PCDHGA1: variants seen among roughly 807,000 people sequenced by gnomAD.
The protein encoded by PCDHGA1 is protocadherin gamma-A1.
PCDHGA1 carries 32 observed loss-of-function variants against 58.0 expected under a neutral mutation model. The ratio of observed to expected loss-of-function variants is 0.55; its 90% CI spans 0.42 to 0.74. PCDHGA1 has a LOEUF of 0.74. PCDHGA1 is among the 30% of genes least tolerant of loss of function. PCDHGA1 has a pLI of 0.00. For missense variants in PCDHGA1, 1,205 were observed against 1,182.3 expected (o/e 1.02, Z -0.28); for synonymous variants, 498 against 501.1 (o/e 0.99, Z 0.08).
At chr5:141,390,859 T>C (rs951468573) in intron 1 of PCDHGA1, 3 of 151,114 alleles carry the variant, frequency 2.0e-5, no homozygotes, top group Admixed American at 1.3e-4. Flanking sequence ...CAGTGTACGC[T>C]GTGTGTGCGT....
intron 1 of PCDHGA1, chr5:141,345,007 C>T (rs1386175019): frequency 6.2e-7 from 1 of 1,613,806 alleles, no homozygotes; most frequent in African/African-American, 1.3e-5. Flanking sequence ...CAGGATGGAC[C>T]AGGTCTTCTT....
chr5:141,472,060 T>C (rs185246000), intron 1 of PCDHGA1, among the ~76,000 whole-genome samples: 5 of 152,276 alleles, frequency 3.3e-5, no homozygotes, highest in Non-Finnish European at 1.5e-5. Context: ...ATGATTGACA[T>C]GTCTGTGGTT....
chr5:141,361,604 C>G, intron 1 of PCDHGA1: 1 of 1,614,040 alleles, frequency 6.2e-7, no homozygotes, highest in Non-Finnish European at 8.5e-7. Context: ...GTTTCCTACT[C>G]CATCGTAGCG....
At chr5:141,415,655 T>C (rs780357843) in intron 1 of PCDHGA1, 50 of 1,586,718 alleles carry the variant, frequency 3.2e-5, no homozygotes, top group Non-Finnish European at 4.0e-5. Flanking sequence ...AAAAAAAAGA[T>C]TGGTTTTTAC....
rs911461762 is a variant in PCDHGA1 at position 141,512,938 on chromosome 5, T to C, written c.*1765T>C. The stretch of plus-strand genomic sequence containing the variant: ...ACTCTAATATTTATATGGCTTTTTT[T>C]CTTCGACAAAAAAATAATAAAACGT... On this transcript the variant is annotated 3_prime_UTR_variant, in exon 4 of 4. Coordinates refer to ENST00000517417, the MANE Select transcript of PCDHGA1 (RefSeq NM_018912.3). 6.6e-6 allele frequency: 1 copy of C among 151,928 alleles called. No homozygotes were observed. Among genetic ancestry groups the C allele is most frequent in the Non-Finnish European group, 1.5e-5 (1 of 67,934 alleles). The allele number at this position is 151,928 out of a possible 1,614,324, so 9.4% of individuals were successfully genotyped here.
chr5:141,409,868 A>C (rs2095328786), intron 1 of PCDHGA1: 2 of 1,612,688 alleles, frequency 1.2e-6, no homozygotes, highest in Admixed American at 1.7e-5. Flanking sequence ...GGGAGACCGC[A>C]ATGACAACGC....
chr5:141,430,493 C>G (rs1232369484), intron 1 of PCDHGA1: 1 of 285,344 alleles, frequency 3.5e-6, no homozygotes, highest in African/African-American at 2.2e-5. Flanking sequence ...ACGAAATATC[C>G]TTTCTGGGAG....
chr5:141,490,644 T>C lies in PCDHGA1; in HGVS notation c.2422-4163T>C. The C allele has an allele frequency of 6.2e-7, 1 of 1,614,188 alleles. No homozygotes were observed. Among genetic ancestry groups the C allele is most frequent in the Non-Finnish European group, 8.5e-7 (1 of 1,180,016 alleles). On this transcript the variant is annotated intron_variant, in intron 1 of 3. Coordinates refer to ENST00000517417, the MANE Select transcript of PCDHGA1 (RefSeq NM_018912.3). The surrounding 1 kb of genome is among the most constrained non-coding windows in gnomAD (Gnocchi z 5.4). Reference sequence around the variant, plus strand: ...CTGCTTACATCCTAGAAAACCGGCCTCCGGGCTCCCTTCTTTGCACTGTGG... The same window carrying C: ...CTGCTTACATCCTAGAAAACCGGCCCCCGGGCTCCCTTCTTTGCACTGTGG...
At chr5:141,426,052 G>T (rs2096912121) in intron 1 of PCDHGA1, among the ~76,000 whole-genome samples, 1 of 152,162 alleles carries the variant, frequency 6.6e-6, no homozygotes, top group South Asian at 2.1e-4. Flanking sequence ...TGGCCAATGT[G>T]CTGCAAGAAC....
Position 141,511,030 on chromosome 5 carries a change from C to A in PCDHGA1, c.2653C>A (p.Gln885Lys). 9 of 1,614,224 alleles carry A rather than the reference C, an allele frequency of 5.6e-6. No individual in the cohort carries two copies. Among genetic ancestry groups the A allele is most frequent in the Non-Finnish European group, 7.6e-6 (9 of 1,180,032 alleles). Residue 885 changes from glutamine (Q) to lysine (K), a missense_variant, in exon 4 of 4, where the codon CAG (glutamine) becomes AAG (lysine). Transcript: ENST00000517417. ...SARYGPQFTLQHVPDYRQNVY... is the reference protein window; with the variant it reads ...SARYGPQFTLKHVPDYRQNVY... ...CCGCTACGGACCCCAGTTCACCCTGCAGCACGTGCCCGACTACCGCCAGAA... is the reference window on the plus strand; with the variant it reads ...CCGCTACGGACCCCAGTTCACCCTGAAGCACGTGCCCGACTACCGCCAGAA...
Position 141,486,595 on chromosome 5 carries a change from T to G in PCDHGA1, c.2422-8212T>G. ...AGAACAATCGCCCAGGGGACCTGCTTTGCTCCCTTGCAGCCTCTGACCCAG... is the reference window on the plus strand; with the variant it reads ...AGAACAATCGCCCAGGGGACCTGCTGTGCTCCCTTGCAGCCTCTGACCCAG... On this transcript the variant is annotated intron_variant, in intron 1 of 3. Coordinates refer to ENST00000517417, the MANE Select transcript of PCDHGA1 (RefSeq NM_018912.3). This position sits in a 1 kb window ranked among gnomAD's most constrained non-coding sequence, Gnocchi z 5.0. The G allele has an allele frequency of 6.2e-7, 1 of 1,613,614 alleles. No homozygotes were observed. Among genetic ancestry groups the G allele is most frequent in the Non-Finnish European group, 8.5e-7 (1 of 1,180,016 alleles).
At chr5:141,335,034 A>AT (rs1217043361) in intron 1 of PCDHGA1, among the ~76,000 whole-genome samples, 3 of 152,200 alleles carry the variant, frequency 2.0e-5, no homozygotes, top group East Asian at 3.8e-4. Flanking sequence ...ACACACTGTT[A>AT]TTTTTTAAGG....
At position 141,339,115 on chromosome 5, in the gene PCDHGA1, C is replaced by G. The variant is rs150708423; in HGVS notation, c.2421+6010C>G. On this transcript the variant is annotated intron_variant, in intron 1 of 3. Transcript: ENST00000517417. ...ACAGAGGCTCCTTCGTAGGCAACATCGCCAAGGACTTGGGTTTGGAGCCCC... is the reference window on the plus strand; with the variant it reads ...ACAGAGGCTCCTTCGTAGGCAACATGGCCAAGGACTTGGGTTTGGAGCCCC... The G allele has an allele frequency of 7.4e-6, 12 of 1,614,116 alleles. No individual in the cohort carries two copies. The African/African-American group carries it at 1.5e-4, about 20-fold the overall frequency.
chr5:141,423,751 G>GT, intron 1 of PCDHGA1: 12 of 349,026 alleles, frequency 3.4e-5, no homozygotes, highest in Non-Finnish European at 4.3e-5. Context: ...AAAACTGTTT[G>GT]GGGGGGGGGT....
At chr5:141,452,887 C>T (rs1000136303) in intron 1 of PCDHGA1, among the ~76,000 whole-genome samples, 1 of 152,174 alleles carries the variant, frequency 6.6e-6, no homozygotes, top group Non-Finnish European at 1.5e-5. Flanking sequence ...ATAATTTATT[C>T]CACTTTTATT....
intron 1 of PCDHGA1, chr5:141,405,402 C>T: frequency 6.3e-7 from 1 of 1,589,724 alleles, no homozygotes; most frequent in Non-Finnish European, 8.6e-7. Flanking sequence ...TTCTTTCTTT[C>T]TTTTCTTTTT....
intron 1 of PCDHGA1, chr5:141,371,742 C>A (rs773429109): frequency 6.2e-7 from 1 of 1,614,068 alleles, no homozygotes; most frequent in East Asian, 2.2e-5. Context: ...CGACAACGTT[C>A]CCGTTTTCCA....
chr5:141,352,657 T>C (rs1387193167), intron 1 of PCDHGA1: 1 of 1,596,844 alleles, frequency 6.3e-7, no homozygotes, highest in Admixed American at 1.8e-5. Flanking sequence ...ATGACCCTTC[T>C]TTGTCTTCGC....
At chr5:141,363,397 A>C (rs571483394) in intron 1 of PCDHGA1, among the ~76,000 whole-genome samples, 8 of 152,204 alleles carry the variant, frequency 5.3e-5, no homozygotes, top group Non-Finnish European at 1.2e-4. Flanking sequence ...GTTGTCATAT[A>C]AAGATGATAG....
Sources: allele counts gnomAD v4.1 joint callset (sites outside exome capture counted in the v4.1 genomes callset), GRCh38; gene constraint gnomAD v4.1.1; non-coding constraint Gnocchi (gnomAD v3.1); transcripts MANE v1.5; gene names NCBI Gene and HGNC (gene_info 2026-07-23, HGNC 2026-07-21).